Variants in SEMA5A observed in about 807,000 individuals in gnomAD.
SEMA5A encodes semaphorin-5A.
Under a neutral mutation model 135.5 loss-of-function variants are expected in SEMA5A, and 55 were observed. The ratio of observed to expected loss-of-function variants is 0.41; its 90% CI spans 0.33 to 0.51. SEMA5A has a LOEUF of 0.51. SEMA5A is among the 20% of genes least tolerant of loss of function. The probability of loss-of-function intolerance (pLI) is 0.37; values close to 1 mark genes in which losing one functional copy is unlikely to be tolerated. For missense variants in SEMA5A, 1,290 were observed against 1,419.9 expected (o/e 0.91, Z 1.47); for synonymous variants, 580 against 546.5 (o/e 1.06, Z -0.85).
chr5:9,179,789 T>C (rs138096697), intron 11 of SEMA5A, among the ~76,000 whole-genome samples: 41 of 152,344 alleles, frequency 2.7e-4, no homozygotes, highest in Middle Eastern at 3.4e-3. Flanking sequence ...AAGACCAGGC[T>C]ACTCTTTAAA....
intron 12 of SEMA5A, among the ~76,000 whole-genome samples, chr5:9,154,056 AAAAAAAATAT>A (rs1202670413): frequency 4.0e-5 from 2 of 49,924 alleles, no homozygotes; most frequent in Admixed American, 2.2e-4. Flanking sequence ...AAAAAAAAAA[AAAAAAAATAT>A]ATATATATAT....
At chr5:9,416,944 G>A (rs368226) in intron 2 of SEMA5A, among the ~76,000 whole-genome samples, 3 of 152,176 alleles carry the variant, frequency 2.0e-5, no homozygotes, top group Non-Finnish European at 4.4e-5. Flanking sequence ...AAGAGAGATG[G>A]AATTTAGGTA....
At chr5:9,503,167 T>C (rs1735682900) in intron 1 of SEMA5A, among the ~76,000 whole-genome samples, 1 of 152,092 alleles carries the variant, frequency 6.6e-6, no homozygotes, top group Non-Finnish European at 1.5e-5. Flanking sequence ...TCAAAATACA[T>C]TGTGAAACCA....
chr5:9,062,264 C>G (rs576609816), intron 18 of SEMA5A, among the ~76,000 whole-genome samples: 2 of 152,260 alleles, frequency 1.3e-5, no homozygotes, highest in South Asian at 4.2e-4. Context: ...CACTGTGGCC[C>G]GGCCTATCAG....
chr5:9,392,857 C>T (rs909124869), intron 2 of SEMA5A, among the ~76,000 whole-genome samples: 24 of 152,162 alleles, frequency 1.6e-4, no homozygotes, highest in African/African-American at 5.8e-4. Context: ...TAAATAAAGG[C>T]AATGAATCAT....
At chr5:9,431,760 G>A (rs1235144244) in intron 2 of SEMA5A, among the ~76,000 whole-genome samples, 4 of 152,264 alleles carry the variant, frequency 2.6e-5, no homozygotes, top group East Asian at 1.9e-4. Flanking sequence ...GTATCCTTAC[G>A]TGCACATGTA....
chr5:9,402,585 G>GAGTGTTAGTGAGGTGA lies in SEMA5A; in HGVS notation c.-77-22563_-77-22562insTCACCTCACTAACACT. ...CTACCTGTCAAGGTTTTGGGGTTTT[G>GAGTGTTAGTGAGGTGA]AATGTTAGTGAGGTGAAATGATCTA... On this transcript the variant is annotated intron_variant, in intron 2 of 22. Transcript: ENST00000382496. Among the ~76,000 whole-genome samples, 4 of 152,294 alleles carry GAGTGTTAGTGAGGTGA rather than the reference G, an allele frequency of 2.6e-5. No individual in the cohort carries two copies. In the South Asian group the frequency reaches 6.2e-4, roughly 24 times the overall value.
intron 1 of SEMA5A, among the ~76,000 whole-genome samples, chr5:9,534,103 G>C (rs1012953998): frequency 3.3e-5 from 5 of 152,150 alleles, no homozygotes; most frequent in Admixed American, 2.0e-4. Flanking sequence ...AGCCCTGAAG[G>C]CTTAATTAAA....
rs1397984584 is a variant in SEMA5A, at chr5:9,310,803, A to T, written c.270+7569T>A. The stretch of plus-strand genomic sequence containing the variant: ...AAAGATTCATAGTTTGCATATATAC[A>T]TATATATATATATGAACACACATAT... On this transcript the variant is annotated intron_variant, in intron 5 of 22. Transcript: ENST00000382496. Among the ~76,000 whole-genome samples the T allele has an allele frequency of 1.4e-3, 31 of 21,466 alleles. No individual in the cohort carries two copies. The East Asian group carries it at 0.064, about 44-fold the overall frequency. The allele number at this position is 21,466 out of a possible 152,430, so 14.1% of individuals were successfully genotyped here. A position where few individuals can be genotyped will look rare whatever the true frequency, so the allele number is the denominator to read the frequency against.
intron 1 of SEMA5A, among the ~76,000 whole-genome samples, chr5:9,527,871 A>G (rs956428009): frequency 3.9e-5 from 6 of 152,138 alleles, no homozygotes; most frequent in Admixed American, 1.3e-4. Context: ...TCATCTAACC[A>G]CTACCTTTAT....
At chr5:9,220,035 C>T (rs1746846527) in intron 8 of SEMA5A, among the ~76,000 whole-genome samples, 1 of 152,106 alleles carries the variant, frequency 6.6e-6, no homozygotes, top group African/African-American at 2.4e-5. Context: ...TAAAAAGGAA[C>T]AAAATAATGT....
intron 8 of SEMA5A, among the ~76,000 whole-genome samples, chr5:9,210,834 T>C (rs919647377): frequency 2.6e-5 from 4 of 152,192 alleles, no homozygotes; most frequent in African/African-American, 9.7e-5. Context: ...TCCATCTACC[T>C]AGCATATTGT....
Position 9,211,537 on chromosome 5 carries a change from A to G in SEMA5A, c.647-9297T>C, listed in dbSNP as rs10053747. ...TGCATACCCTTCCAAACAGGCTCTC[A>G]CTGTCCCCAGGTTGGAGCCCAACAA... On this transcript the variant is annotated intron_variant, in intron 8 of 22. Transcript: ENST00000382496. Among the ~76,000 whole-genome samples, 555 of 152,198 alleles carry G rather than the reference A, an allele frequency of 3.6e-3. 2 individuals are homozygous for G. Among genetic ancestry groups the G allele is most frequent in the Middle Eastern group, 0.014 (4 of 294 alleles).
chr5:9,077,810 C>G (rs1738149709), intron 16 of SEMA5A, among the ~76,000 whole-genome samples: 1 of 152,188 alleles, frequency 6.6e-6, no homozygotes, highest in Non-Finnish European at 1.5e-5. Context: ...AACCTGGGTT[C>G]TTCTAAGTGC....
intron 11 of SEMA5A, among the ~76,000 whole-genome samples, chr5:9,171,480 G>A (rs576097176): frequency 6.6e-6 from 1 of 152,264 alleles, no homozygotes; most frequent in South Asian, 2.1e-4. Context: ...TGGTCGAGAC[G>A]ACAAGCTGAA....
chr5:9,072,949 CA>C (rs1351375788), intron 16 of SEMA5A, among the ~76,000 whole-genome samples: 1 of 152,066 alleles, frequency 6.6e-6, no homozygotes, highest in African/African-American at 2.4e-5. Flanking sequence ...TCAACAGCAT[CA>C]AAACAGTAAT....
At chr5:9,452,714 A>G (rs1212912374) in intron 1 of SEMA5A, among the ~76,000 whole-genome samples, 1 of 152,234 alleles carries the variant, frequency 6.6e-6, no homozygotes, top group Non-Finnish European at 1.5e-5. Context: ...TCTAAATTAT[A>G]TAATAAGAGG....
chr5:9,454,000 C>T (rs1287055308), intron 1 of SEMA5A, among the ~76,000 whole-genome samples: 2 of 152,172 alleles, frequency 1.3e-5, no homozygotes, highest in Admixed American at 1.3e-4. Flanking sequence ...AAGTACTAGC[C>T]TTCTTGCTTC....
chr5:9,434,656 T>C (rs1391463160), intron 2 of SEMA5A, among the ~76,000 whole-genome samples: 1 of 152,160 alleles, frequency 6.6e-6, no homozygotes, highest in Admixed American at 6.5e-5. Context: ...AATATATTAT[T>C]CTGCAATTTG....
Sources: allele counts gnomAD v4.1 joint callset (sites outside exome capture counted in the v4.1 genomes callset), GRCh38; gene constraint gnomAD v4.1.1; transcripts MANE v1.5; gene names NCBI Gene and HGNC (gene_info 2026-07-23, HGNC 2026-07-21).